ERCC2: variants seen among roughly 807,000 people sequenced by gnomAD.
The protein encoded by ERCC2 is general transcription and DNA repair factor IIH helicase subunit XPD.
Under a neutral mutation model 99.4 loss-of-function variants are expected in ERCC2, and 90 were observed. That is an observed-to-expected ratio of 0.91 (90% CI 0.76 to 1.08). ERCC2 has a LOEUF of 1.08. Among genes scored for constraint, ERCC2 ranks in the 50% least tolerant of loss-of-function variants. ERCC2 has a pLI of 0.00. For missense variants in ERCC2, 993 were observed against 1,038.1 expected, an observed-to-expected ratio of 0.96 and a Z score of 0.60; for synonymous variants, 497 against 432.4, an observed-to-expected ratio of 1.15 and a Z score of -1.85.
intron 12 of ERCC2, among the ~76,000 whole-genome samples, chr19:45,359,819 G>A (rs889871445): frequency 5.3e-5 from 8 of 151,764 alleles, no homozygotes; most frequent in Non-Finnish European, 1.2e-4. Flanking sequence ...TTTCACCCAG[G>A]CTGGAGTGCA....
At chr19:45,352,079 C>A (rs1004524742) in intron 22 of ERCC2, 130 bp downstream of exon 22, 13 of 1,124,418 alleles carry the variant, frequency 1.2e-5, no homozygotes, top group Middle Eastern at 2.8e-4. Flanking sequence ...CGTAGATGCA[C>A]GATAAACTTC....
chr19:45,355,094 C>A (rs901886169), intron 16 of ERCC2, among the ~76,000 whole-genome samples: 1 of 152,220 alleles, frequency 6.6e-6, no homozygotes, highest in African/African-American at 2.4e-5. Context: ...CTGTGGCTCA[C>A]GCCTGTAATC....
At chr19:45,360,230 G>A (rs1276023601) in intron 12 of ERCC2, among the ~76,000 whole-genome samples, 10 of 148,358 alleles carry the variant, frequency 6.7e-5, no homozygotes, top group South Asian at 2.1e-4. Flanking sequence ...ACAGGCGCCC[G>A]CCACCACGCC....
intron 15 of ERCC2, among the ~76,000 whole-genome samples, chr19:45,356,271 G>A (rs1051481392): frequency 5.9e-5 from 9 of 152,184 alleles, no homozygotes; most frequent in Non-Finnish European, 1.3e-4. Context: ...ACCTCTGACA[G>A]GCAACTCCAA....
rs1972517082 is a variant in ERCC2, at chr19:45,368,944, GCA to G, written c.230_231del (p.Val77AlafsTer4). 1 of 1,614,030 alleles carries G rather than the reference GCA, an allele frequency of 6.2e-7. No individual in the cohort carries two copies. Among genetic ancestry groups the G allele is most frequent in the South Asian group, 1.1e-5 (1 of 91,088 alleles). On this transcript the variant is annotated frameshift_variant, in exon 4 of 23. Transcript: ENST00000391945. LOFTEE classifies it high-confidence loss of function. ...TCCCAGCTTACCTTCTCAATCTCTG[GCA>G]CAGTTCTTGAGCAGTAGATGAGTTT... ...VTKLIYCSRT[V>X]PEIEKVIEEL... is the part of the protein sequence containing the mutation.
intron 15 of ERCC2, among the ~76,000 whole-genome samples, chr19:45,356,980 TG>T (rs1972033960): frequency 6.6e-6 from 1 of 152,170 alleles, no homozygotes; most frequent in Middle Eastern, 3.2e-3. Flanking sequence ...AGCGCCTACC[TG>T]TGCCAGGCCC....
intron 12 of ERCC2, chr19:45,358,016 C>A (rs753949998): frequency 3.3e-4 from 159 of 487,658 alleles, no homozygotes; most frequent in Non-Finnish European, 4.8e-4. Flanking sequence ...AAGCCAGGAG[C>A]CAGAGCCTCA....
At chr19:45,353,658 C>G (rs1057350728) in intron 17 of ERCC2, among the ~76,000 whole-genome samples, 1 of 152,142 alleles carries the variant, frequency 6.6e-6, no homozygotes, top group Non-Finnish European at 1.5e-5. Context: ...CTGAGACTTC[C>G]CATATGACAC....
Position 45,351,635 on chromosome 19 carries a change from C to G in ERCC2, c.2277G>C (p.Gln759His). Residue 759 changes from glutamine to histidine, a missense_variant, in exon 23 of 23, where the codon CAG (glutamine) becomes CAC (histidine). Coordinates refer to ENST00000391945, the MANE Select transcript of ERCC2 (RefSeq NM_000400.4). ...TLKRIEQIAQ[Q>H]L ...ATGGCCCCACCCGCCCCACTCAGAG[C>G]TGCTGAGCAATCTGCTCTATCCTCT... 3 of 1,614,072 alleles carry G rather than the reference C, an allele frequency of 1.9e-6. No individual in the cohort carries two copies. The highest frequency in any genetic ancestry group is 2.5e-6 in the Non-Finnish European group (3 of 1,180,000).
chr19:45,352,821 TGGGCAGAGGAGAG>T lies in ERCC2; in HGVS notation c.1832-18_1832-6del. 1 of 1,610,152 alleles carries T rather than the reference TGGGCAGAGGAGAG, an allele frequency of 6.2e-7. No homozygotes were observed. The highest frequency in any genetic ancestry group is 8.5e-7 in the Non-Finnish European group (1 of 1,178,920). On this transcript the variant is annotated splice_polypyrimidine_tract_variant and splice_region_variant and intron_variant, in intron 19 of 22. Transcript: ENST00000391945. ...CGGCCCGCCCGTAGTGGTGCACTGG[TGGGCAGAGGAGAG>T]GGGGCGAGGGGGGTTACAAGTGTGG...
chr19:45,350,673 C>CCGTGAGTCTATCAGG lies in ERCC2; in HGVS notation c.*941_*955dup, dbSNP rs568420095. The CCGTGAGTCTATCAGG allele has an allele frequency of 1.3e-4, 213 of 1,613,906 alleles. 1 individual carries two copies. In the East Asian group the frequency reaches 4.4e-3, roughly 33 times the overall value. On this transcript the variant is annotated 3_prime_UTR_variant, in exon 23 of 23. Coordinates refer to ENST00000391945, the MANE Select transcript of ERCC2 (RefSeq NM_000400.4). ...GCCGCAGCAGCTCACTCTCCAAGATCCGTGAGTCTATCAGGCGAGGAAGTG... is the reference window on the plus strand; with the variant it reads ...GCCGCAGCAGCTCACTCTCCAAGATCCGTGAGTCTATCAGGCGTGAGTCTATCAGGCGAGGAAGTG...
chr19:45,350,744 C>G lies in ERCC2; in HGVS notation c.*885G>C, dbSNP rs1181536488. The G allele has an allele frequency of 1.2e-6, 2 of 1,609,806 alleles. No individual in the cohort carries two copies. Among genetic ancestry groups the G allele is most frequent in the Admixed American group, 3.4e-5 (2 of 59,210 alleles). On this transcript the variant is annotated 3_prime_UTR_variant, in exon 23 of 23. Transcript: ENST00000391945. ...CGAGGCGAGGCGGCGGCAGGAGCAG[C>G]CGGGTGAGTGTTGATCAGGTCGGCA... is the stretch of plus-strand genomic sequence containing the variant.
At chr19:45,353,396 A>C in intron 17 of ERCC2, 62 bp from the exon 18 acceptor site, 1 of 1,138,460 alleles carries the variant, frequency 8.8e-7, no homozygotes. Context: ...GTTACATCCA[A>C]CTCTTCTGGG....
rs1423646635 is a variant in ERCC2 at position 45,351,214 on chromosome 19, CCTGGAGCTGGAG to C, written c.*403_*414del. 3 of 1,589,680 alleles carry C rather than the reference CCTGGAGCTGGAG, an allele frequency of 1.9e-6. No individual in the cohort carries two copies. In the Admixed American group the frequency reaches 5.1e-5, roughly 27 times the overall value. On this transcript the variant is annotated 3_prime_UTR_variant, in exon 23 of 23. Transcript: ENST00000391945. ...TTGGATAGTTGGCTGCCAGGCTGGACCTGGAGCTGGAGGGTGGATGTAACACTTGCCCCTCAC... is the reference window on the plus strand; with the variant it reads ...TTGGATAGTTGGCTGCCAGGCTGGACGGTGGATGTAACACTTGCCCCTCAC...
Position 45,352,808 on chromosome 19 carries a change from A to C in ERCC2, c.1840T>G (p.Tyr614Asp). The change falls in exon 20 of 23, where the codon TAC becomes GAC. Residue 614 changes from tyrosine to aspartate, a missense_variant. Tyr to Asp is a radical substitution (Grantham distance 160). This residue lies in a region of ERCC2 where 909 missense variants were observed against 930.8 expected (regional missense o/e 0.98). Transcript: ENST00000391945. ...CCAAACATGATGACGGCCCGCCCGT[A>C]GTGGTGCACTGGTGGGCAGAGGAGA... ...VSEGIDFVHH[Y>D]GRAVIMFGVP... is the part of the protein sequence containing the mutation. The C allele has an allele frequency of 6.2e-7, 1 of 1,613,302 alleles. No homozygotes were observed. Among genetic ancestry groups the C allele is most frequent in the Non-Finnish European group, 8.5e-7 (1 of 1,179,666 alleles).
intron 15 of ERCC2, among the ~76,000 whole-genome samples, chr19:45,355,949 C>CTTTCTACCTAAGCCATCAGCAAAGCCGGG (rs1971999091): frequency 6.6e-6 from 1 of 152,118 alleles, no homozygotes; most frequent in South Asian, 2.1e-4. Context: ...GCCACCACAC[C>CTTTCTACCTAAGCCATCAGCAAAGCCGGG]CAGTCTGCTC....
chr19:45,351,482 C>T lies in ERCC2; in HGVS notation c.*147G>A, dbSNP rs1971774910. 6.3e-7 allele frequency: 1 copy of T among 1,587,726 alleles called. No homozygotes were observed. Among genetic ancestry groups the T allele is most frequent in the Non-Finnish European group, 8.5e-7 (1 of 1,171,338 alleles). On this transcript the variant is annotated 3_prime_UTR_variant, in exon 23 of 23. Transcript: ENST00000391945. ...CCTCTGGGTACCTGGTGGATAGCTG[C>T]CTTCTCCTGCGATTAAAGGCTGTGG...
At chr19:45,368,070 C>T (rs566708015) in intron 5 of ERCC2, among the ~76,000 whole-genome samples, 3 of 151,756 alleles carry the variant, frequency 2.0e-5, no homozygotes, top group Non-Finnish European at 2.9e-5. Flanking sequence ...AATGGGGTTT[C>T]GCCGTGTTGG....
At position 45,351,156 on chromosome 19, in the gene ERCC2, A is replaced by T; in HGVS notation, c.*473T>A. On this transcript the variant is annotated 3_prime_UTR_variant, in exon 23 of 23. Coordinates refer to ENST00000391945, the MANE Select transcript of ERCC2 (RefSeq NM_000400.4). ...CAGAAGAGACCCAGGACAGGAGCAA[A>T]GATGGGTTTTACTTGGGGTAGAGGC... 3 of 1,592,528 alleles carry T rather than the reference A, an allele frequency of 1.9e-6. No individual in the cohort carries two copies. The highest frequency in any genetic ancestry group is 2.6e-6 in the Non-Finnish European group (3 of 1,168,494).
Sources: gnomAD v4.1 joint callset for allele counts (sites outside exome capture counted in the v4.1 genomes callset) on GRCh38, gnomAD v4.1.1 for gene constraint, gnomAD v4.1.1 regional missense constraint, MANE v1.5 for transcripts, NCBI Gene and HGNC (gene_info 2026-07-23, HGNC 2026-07-21) for gene names.